The following CMIP variants were observed in gnomAD, a reference collection of about 807,000 sequenced individuals.
CMIP encodes C-Maf-inducing protein.
In CMIP, 13 loss-of-function variants were observed where a neutral mutation model predicts 97.3. That is an observed-to-expected ratio of 0.13 (90% CI 0.09 to 0.21). The LOEUF is 0.21. CMIP is among the 10% of genes least tolerant of loss of function. The probability of loss-of-function intolerance (pLI) is 1.00; values close to 1 mark genes in which losing one functional copy is unlikely to be tolerated. For missense variants in CMIP, 847 were observed against 1,024.9 expected (o/e 0.83, Z 2.37); for synonymous variants, 538 against 436.3 (o/e 1.23, Z -2.91).
chr16:81,679,679 C>T (rs1184257948), intron 10 of CMIP, among the ~76,000 whole-genome samples: 1 of 152,018 alleles, frequency 6.6e-6, no homozygotes, highest in Non-Finnish European at 1.5e-5. Flanking sequence ...GGCTTCTGAG[C>T]TGGCTCCTTC....
At chr16:81,620,026 CAATAAT>C (rs1011095685) in intron 2 of CMIP, 8 of 152,192 alleles carry the variant, frequency 5.3e-5, no homozygotes, top group African/African-American at 1.7e-4. Context: ...GTAATGATAA[CAATAAT>C]AATAACGATG....
intron 1 of CMIP, among the ~76,000 whole-genome samples, chr16:81,564,068 A>G (rs2090935213): frequency 6.6e-6 from 1 of 152,222 alleles, no homozygotes; most frequent in Non-Finnish European, 1.5e-5. Context: ...TTTAGGACAG[A>G]TTGATATATG....
intron 1 of CMIP, among the ~76,000 whole-genome samples, chr16:81,487,560 A>G (rs1392048968): frequency 6.6e-6 from 1 of 152,178 alleles, no homozygotes; most frequent in East Asian, 1.9e-4. Context: ...TCCCAAGGCG[A>G]AGGAAGCCAG....
intron 1 of CMIP, among the ~76,000 whole-genome samples, chr16:81,527,916 G>A (rs2090163102): frequency 6.6e-6 from 1 of 152,200 alleles, no homozygotes; most frequent in South Asian, 2.1e-4. Context: ...TTGGGAATGT[G>A]TGCATGAAAT....
intron 1 of CMIP, 94 bp downstream of exon 1, chr16:81,445,635 G>A: frequency 1.5e-6 from 2 of 1,357,802 alleles, no homozygotes; most frequent in East Asian, 2.5e-5. Flanking sequence ...TGGAGCCCAG[G>A]GCCTGGGGGG....
intron 1 of CMIP, among the ~76,000 whole-genome samples, chr16:81,556,171 G>A (rs2090759532): frequency 6.6e-6 from 1 of 152,140 alleles, no homozygotes; most frequent in South Asian, 2.1e-4. Context: ...TTACCTGGCT[G>A]CACGTCATCT....
intron 1 of CMIP, among the ~76,000 whole-genome samples, chr16:81,536,276 C>T (rs960143621): frequency 2.0e-5 from 3 of 152,118 alleles, no homozygotes; most frequent in South Asian, 2.1e-4. Flanking sequence ...TGGGAGTGCT[C>T]CTTGCCTTGC....
In CMIP at chr16:81,592,524, G is replaced by T. The variant is rs549084647; in HGVS notation, c.301-15043G>T. On this transcript the variant is annotated intron_variant, in intron 1 of 20. Coordinates refer to ENST00000537098, the MANE Select transcript of CMIP (RefSeq NM_198390.3). The stretch of plus-strand genomic sequence containing the variant: ...CCGGACCCTCCTCCTTCCTCCTGCG[G>T]TGCCTTTGGCACTGTGGTGTTGTTA... 8.2e-4 allele frequency among the ~76,000 whole-genome samples: 125 copies of T among 152,266 alleles called. 2 individuals carry two copies. Among genetic ancestry groups the T allele is most frequent in the African/African-American group, 3.0e-3 (123 of 41,546 alleles).
At chr16:81,450,607 T>G (rs1906147259) in intron 1 of CMIP, among the ~76,000 whole-genome samples, 1 of 152,138 alleles carries the variant, frequency 6.6e-6, no homozygotes, top group African/African-American at 2.4e-5. Context: ...TATTGTTACC[T>G]AAAAATGGGT....
chr16:81,709,861 C>T lies in CMIP; in HGVS notation c.*62C>T. ...CGACAAAATAACTCTTGACTAACAG[C>T]CGCAGAGCAGCCGGTCCTGGGGTCC... On this transcript the variant is annotated 3_prime_UTR_variant, in exon 21 of 21. Coordinates refer to ENST00000537098, the MANE Select transcript of CMIP (RefSeq NM_198390.3). The T allele has an allele frequency of 6.3e-6, 10 of 1,582,332 alleles. No homozygotes were observed. The highest frequency in any genetic ancestry group is 2.2e-5 in the South Asian group (2 of 89,038).
intron 17 of CMIP, among the ~76,000 whole-genome samples, chr16:81,703,266 C>A (rs1302242609): frequency 6.6e-6 from 1 of 152,098 alleles, no homozygotes; most frequent in African/African-American, 2.4e-5. Context: ...TGGGGCCACA[C>A]ACTAAATCAG....
chr16:81,467,585 A>G (rs1339603972), intron 1 of CMIP, among the ~76,000 whole-genome samples: 1 of 137,188 alleles, frequency 7.3e-6, no homozygotes, highest in African/African-American at 2.7e-5. Flanking sequence ...TTTCTTCTTT[A>G]TTTTTTTTTT....
At chr16:81,578,071 C>T (rs2091230611) in intron 1 of CMIP, among the ~76,000 whole-genome samples, 1 of 152,050 alleles carries the variant, frequency 6.6e-6, no homozygotes, top group African/African-American at 2.4e-5. Context: ...CCATCATCAC[C>T]ATCACCTTCA....
chr16:81,522,178 G>A (rs117767212), intron 1 of CMIP, among the ~76,000 whole-genome samples: 247 of 152,290 alleles, frequency 1.6e-3, no homozygotes, highest in Non-Finnish European at 2.5e-3. Flanking sequence ...TGGCAACACC[G>A]ATTCGCCCAC....
intron 7 of CMIP, among the ~76,000 whole-genome samples, chr16:81,668,604 G>A (rs770120051): frequency 3.3e-5 from 5 of 152,130 alleles, no homozygotes; most frequent in Admixed American, 1.3e-4. Flanking sequence ...CCCCGCAGTG[G>A]ACACTTTAGT....
At position 81,660,809 on chromosome 16, in the gene CMIP, T is replaced by C; in HGVS notation, c.682-75T>C. The stretch of plus-strand genomic sequence containing the variant: ...CATTTATTTTTTTCACTTCACAATA[T>C]GGCCTGGAGATTGTTCGAAGTCTTT... On this transcript the variant is annotated intron_variant, in intron 5 of 20. Coordinates refer to ENST00000537098, the MANE Select transcript of CMIP (RefSeq NM_198390.3). 2.0e-6 allele frequency: 3 copies of C among 1,504,632 alleles called. No homozygotes were observed. The South Asian group carries it at 3.4e-5, about 17-fold the overall frequency. The allele number at this position is 1,504,632 out of a possible 1,614,324, so 93.2% of individuals were successfully genotyped here. A position where few individuals can be genotyped will look rare whatever the true frequency, so the allele number is the denominator to read the frequency against.
chr16:81,559,945 C>T (rs560652618), intron 1 of CMIP, among the ~76,000 whole-genome samples: 52 of 151,934 alleles, frequency 3.4e-4, no homozygotes, highest in Admixed American at 5.2e-4. Context: ...GTCAGGAGTT[C>T]GAGACCAGCC....
intron 1 of CMIP, among the ~76,000 whole-genome samples, chr16:81,521,227 C>G (rs527998309): frequency 1.3e-5 from 2 of 152,336 alleles, no homozygotes; most frequent in East Asian, 1.9e-4. Context: ...TTTCGGCAAG[C>G]CTTCCTGAGT....
intron 3 of CMIP, chr16:81,645,516 C>T: frequency 6.5e-7 from 1 of 1,535,958 alleles, no homozygotes; most frequent in Non-Finnish European, 8.7e-7. Flanking sequence ...GAGCAACAGG[C>T]TCTGCTTTCC....
Sources: gnomAD v4.1 joint callset for allele counts (sites outside exome capture counted in the v4.1 genomes callset) on GRCh38, gnomAD v4.1.1 for gene constraint, MANE v1.5 for transcripts, NCBI Gene and HGNC (gene_info 2026-07-23, HGNC 2026-07-21) for gene names.